ZNF487: variants seen among roughly 807,000 people sequenced by gnomAD.
The protein encoded by ZNF487 is KRAB domain only 1.
Under a neutral mutation model 3.0 loss-of-function variants are expected in ZNF487, and 4 were observed. The ratio of observed to expected loss-of-function variants is 1.35; its 90% CI spans 0.66 to 3.08. The LOEUF is 3.08. Ranked by LOEUF, ZNF487 falls within the 30% of genes most tolerant of loss-of-function variation. The pLI, the probability that ZNF487 is intolerant of heterozygous loss-of-function variation, is 0.01. For synonymous variants in ZNF487, 55 were observed against 34.6 expected (o/e 1.59, Z -2.06); for missense variants, 146 against 98.7 (o/e 1.48, Z -2.03).
chr10:43,469,342 G>C (rs571506677), intron 1 of ZNF487, among the ~76,000 whole-genome samples: 1 of 151,788 alleles, frequency 6.6e-6, no homozygotes, highest in East Asian at 1.9e-4. Flanking sequence ...GACTACAGGC[G>C]TGCACCACAC....
the ZNF487 span, among the ~76,000 whole-genome samples, chr10:43,509,430 G>T: frequency 1.4e-5 from 2 of 144,442 alleles, no homozygotes; most frequent in Non-Finnish European, 3.0e-5. Flanking sequence ...TTGTATTAGG[G>T]TTCTCTAGAG....
chr10:43,497,361 G>T, the ZNF487 span, among the ~76,000 whole-genome samples: 1 of 152,186 alleles, frequency 6.6e-6, no homozygotes, highest in African/African-American at 2.4e-5. Context: ...TTAATGATGT[G>T]AGGGAGAATG....
the ZNF487 span, among the ~76,000 whole-genome samples, chr10:43,505,699 A>G: frequency 1.0e-4 from 15 of 146,428 alleles, no homozygotes; most frequent in African/African-American, 3.8e-4. Flanking sequence ...GCTGAGTGCA[A>G]TGGTGTGATC....
chr10:43,470,468 C>T (rs1840865410), intron 1 of ZNF487, among the ~76,000 whole-genome samples: 1 of 151,880 alleles, frequency 6.6e-6, no homozygotes. Context: ...ACCGCAACCT[C>T]CACCTCCCAG....
chr10:43,480,090 T>TCC, intron 3 of ZNF487, among the ~76,000 whole-genome samples: 1 of 145,030 alleles, frequency 6.9e-6, no homozygotes, highest in Non-Finnish European at 1.5e-5. Context: ...CCTTCTTTCT[T>TCC]TTCTTTTCTT....
chr10:43,484,022 C>T (rs1035806459), downstream of ZNF487, among the ~76,000 whole-genome samples: 4 of 151,892 alleles, frequency 2.6e-5, no homozygotes, highest in African/African-American at 9.7e-5. Flanking sequence ...GTGTGTGCCA[C>T]CAGGCCCAGC....
chr10:43,443,600 C>T (rs1006222071), intron 1 of ZNF487, among the ~76,000 whole-genome samples: 2 of 152,088 alleles, frequency 1.3e-5, no homozygotes, highest in Non-Finnish European at 2.9e-5. Context: ...TCTCGAACTC[C>T]TGACCTCAGG....
chr10:43,517,392 G>A, the ZNF487 span, among the ~76,000 whole-genome samples: 4 of 152,186 alleles, frequency 2.6e-5, no homozygotes, highest in Non-Finnish European at 4.4e-5. Flanking sequence ...GGCCCACCTT[G>A]GATGGATTCC....
the ZNF487 span, among the ~76,000 whole-genome samples, chr10:43,498,114 C>CTTTTTT: frequency 2.8e-4 from 7 of 24,622 alleles, no homozygotes; most frequent in Admixed American, 1.6e-3. Context: ...TTTTTTTTTT[C>CTTTTTT]TTTTTTTTTT....
intron 1 of ZNF487, chr10:43,453,394 A>T (rs991336649): frequency 2.6e-5 from 4 of 152,198 alleles, no homozygotes; most frequent in African/African-American, 9.7e-5. Context: ...CTATGGTCAG[A>T]TATTGGCAAG....
chr10:43,507,705 C>A, the ZNF487 span, among the ~76,000 whole-genome samples: 2 of 152,306 alleles, frequency 1.3e-5, no homozygotes, highest in Admixed American at 6.5e-5. Flanking sequence ...TGGCTCCCAC[C>A]TGGGCCATAA....
Position 43,482,663 on chromosome 10 carries a change from T to G in ZNF487, c.*741T>G. ...GAATACATACTGGCGAGAAACCCTA[T>G]GAGTGTAAGGAATGTGGGAAAACTT... On this transcript the variant is annotated 3_prime_UTR_variant, in exon 4 of 4. Coordinates refer to ENST00000437590, the MANE Select transcript of ZNF487 (RefSeq NM_001355444.3). 2.0e-6 allele frequency: 1 copy of G among 490,164 alleles called. No individual in the cohort carries two copies. Among genetic ancestry groups the G allele is most frequent in the Non-Finnish European group, 4.2e-6 (1 of 239,476 alleles). 30.4% of individuals were successfully genotyped at this position (490,164 alleles called of 1,614,324 possible).
At chr10:43,444,924 T>C (rs566052453) in intron 1 of ZNF487, among the ~76,000 whole-genome samples, 2 of 152,250 alleles carry the variant, frequency 1.3e-5, no homozygotes, top group East Asian at 1.9e-4. Context: ...ATCATCTCTT[T>C]GAATATTTTT....
At chr10:43,455,788 A>G (rs576328073) in intron 1 of ZNF487, among the ~76,000 whole-genome samples, 3 of 152,338 alleles carry the variant, frequency 2.0e-5, no homozygotes, top group Admixed American at 6.5e-5. Flanking sequence ...CGTAGGAGAC[A>G]GCGCGCCAGG....
At chr10:43,453,607 C>G (rs1840077694) in intron 1 of ZNF487, 1 of 152,042 alleles carries the variant, frequency 6.6e-6, no homozygotes, top group Non-Finnish European at 1.5e-5. Flanking sequence ...AAGATGAAGC[C>G]CACACAACTA....
At chr10:43,459,342 G>C (rs144513198) in intron 1 of ZNF487, among the ~76,000 whole-genome samples, 39 of 152,136 alleles carry the variant, frequency 2.6e-4, no homozygotes, top group African/African-American at 7.5e-4. Context: ...TGATCCTCCT[G>C]CCTCAGCCTC....
In ZNF487 at chr10:43,480,040, TTTCTTTTTC is replaced by T. The variant is rs1296986294; in HGVS notation, c.131-1386_131-1378del. On this transcript the variant is annotated intron_variant, in intron 3 of 3. Transcript: ENST00000437590. The stretch of plus-strand genomic sequence containing the variant: ...CTTTCTTTCTTTCTTTCTTTCTTTC[TTTCTTTTTC>T]TTTCTTTCTTCCTTGCTTCCTTCCT... Among the ~76,000 whole-genome samples the T allele has an allele frequency of 1.4e-4, 5 of 36,826 alleles. 1 individual carries two copies. The highest frequency in any genetic ancestry group is 1.7e-3 in the South Asian group (2 of 1,204). 24.2% of individuals were successfully genotyped at this position (36,826 alleles called of 152,430 possible).
chr10:43,447,021 G>A (rs1050742329), intron 1 of ZNF487, among the ~76,000 whole-genome samples: 21 of 151,704 alleles, frequency 1.4e-4, no homozygotes, highest in African/African-American at 2.9e-4. Context: ...GCGAAACCCC[G>A]TCTCCACCAA....
chr10:43,439,116 C>T (rs543023836), intron 1 of ZNF487, among the ~76,000 whole-genome samples: 2 of 152,054 alleles, frequency 1.3e-5, no homozygotes, highest in Admixed American at 6.6e-5. Flanking sequence ...GTGGCACATG[C>T]CTGTAATCCC....
Sources: allele counts gnomAD v4.1 joint callset (sites outside exome capture counted in the v4.1 genomes callset), GRCh38; gene constraint gnomAD v4.1.1; transcripts MANE v1.5; gene names NCBI Gene and HGNC (gene_info 2026-07-23, HGNC 2026-07-21).